AMPH: variants seen among roughly 807,000 people sequenced by gnomAD.
AMPH encodes amphiphysin.
A neutral mutation model predicts 99.1 loss-of-function variants in AMPH; 49 were observed. The observed-to-expected ratio is 0.49, with a 90% confidence interval of 0.39 to 0.63. The LOEUF (loss-of-function observed/expected upper bound fraction) is 0.63, where lower values mean the gene tolerates loss of function less well. AMPH is among the 20% of genes least tolerant of loss of function. The pLI, the probability that AMPH is intolerant of heterozygous loss-of-function variation, is 0.00. For synonymous variants in AMPH, 314 were observed against 317.3 expected, an observed-to-expected ratio of 0.99 and a Z score of 0.11; for missense variants, 759 against 863.4, an observed-to-expected ratio of 0.88 and a Z score of 1.52.
rs374507899 is a variant in AMPH at position 38,534,124 on chromosome 7, ATAC to A, written c.150+804_150+806del. 2.6e-4 allele frequency among the ~76,000 whole-genome samples: 39 copies of A among 152,302 alleles called. 1 individual carries two copies. In the East Asian group the frequency reaches 6.7e-3, roughly 26 times the overall value. The stretch of plus-strand genomic sequence containing the variant: ...CCTGTAAAATTTTAATACCGTAAGT[ATAC>A]TATATGTCTGCTTATCTAAGATATG... On this transcript the variant is annotated intron_variant, in intron 2 of 20. Coordinates refer to ENST00000356264, the MANE Select transcript of AMPH (RefSeq NM_001635.4).
chr7:38,420,430 C>T (rs1785540499), intron 16 of AMPH, among the ~76,000 whole-genome samples: 1 of 152,166 alleles, frequency 6.6e-6, no homozygotes, highest in Admixed American at 6.5e-5. Flanking sequence ...TGATCCCATG[C>T]CACACCTATT....
At chr7:38,602,014 A>C (rs566473667) in intron 1 of AMPH, among the ~76,000 whole-genome samples, 11 of 152,288 alleles carry the variant, frequency 7.2e-5, no homozygotes, top group African/African-American at 2.6e-4. Flanking sequence ...TTCTATGTGG[A>C]TCTAAACGCC....
At chr7:38,564,203 T>C (rs78421283) in intron 1 of AMPH, among the ~76,000 whole-genome samples, 5,797 of 152,284 alleles carry the variant, frequency 0.038, 342 homozygotes, top group African/African-American at 0.13. Flanking sequence ...GTTTAGATGC[T>C]GTGTAGTTTC....
At chr7:38,602,875 C>A (rs930875873) in intron 1 of AMPH, among the ~76,000 whole-genome samples, 1 of 152,008 alleles carries the variant, frequency 6.6e-6, no homozygotes, top group Admixed American at 6.6e-5. Context: ...AACAGACTGC[C>A]CAAATTAAGA....
At chr7:38,438,941 C>T (rs1382374057) in intron 11 of AMPH, among the ~76,000 whole-genome samples, 1 of 152,322 alleles carries the variant, frequency 6.6e-6, no homozygotes, top group East Asian at 1.9e-4. Context: ...TCTGTGTCCC[C>T]ACTCAAATAT....
intron 1 of AMPH, among the ~76,000 whole-genome samples, chr7:38,554,606 T>C (rs925997322): frequency 6.6e-6 from 1 of 152,244 alleles, no homozygotes; most frequent in Admixed American, 6.5e-5. Flanking sequence ...GTTAGTTAAA[T>C]ATATTACTGG....
rs201353173 is a variant in AMPH, at chr7:38,417,781, G to T, written c.1398+44C>A. ...ATATGGTCATGAGATGAGCATGGCTGTGGCAGCGAGGCAGATGGAGGGTGA... is the reference window on the plus strand; with the variant it reads ...ATATGGTCATGAGATGAGCATGGCTTTGGCAGCGAGGCAGATGGAGGGTGA... On this transcript the variant is annotated intron_variant, in intron 17 of 20. Coordinates refer to ENST00000356264, the MANE Select transcript of AMPH (RefSeq NM_001635.4). 1.9e-6 allele frequency: 3 copies of T among 1,607,650 alleles called. No individual in the cohort carries two copies. In the African/African-American group the frequency reaches 4.0e-5, roughly 21 times the overall value.
At chr7:38,587,244 C>T (rs10499605) in intron 1 of AMPH, among the ~76,000 whole-genome samples, 9,720 of 152,202 alleles carry the variant, frequency 0.064, 360 homozygotes, top group East Asian at 0.12. Context: ...CTTCAAAGCA[C>T]CTTTAATATT....
At chr7:38,584,738 C>T (rs1240167185) in intron 1 of AMPH, among the ~76,000 whole-genome samples, 1 of 152,192 alleles carries the variant, frequency 6.6e-6, no homozygotes, top group Non-Finnish European at 1.5e-5. Context: ...TGGAAATTTT[C>T]CCTCTGCACT....
At chr7:38,442,809 G>A (rs1786605377) in intron 11 of AMPH, among the ~76,000 whole-genome samples, 1 of 151,472 alleles carries the variant, frequency 6.6e-6, no homozygotes, top group African/African-American at 2.4e-5. Context: ...CATAAACAGA[G>A]CAATAAAACC....
At chr7:38,390,799 T>G (rs1324380619) in intron 19 of AMPH, among the ~76,000 whole-genome samples, 1 of 152,232 alleles carries the variant, frequency 6.6e-6, no homozygotes, top group Non-Finnish European at 1.5e-5. Context: ...CTTCTTGGAC[T>G]GCTTGTGCTC....
At chr7:38,536,203 C>G (rs1476504838) in intron 1 of AMPH, among the ~76,000 whole-genome samples, 1 of 152,140 alleles carries the variant, frequency 6.6e-6, no homozygotes, top group African/African-American at 2.4e-5. Context: ...CTTTGGGACA[C>G]AGGACATAAG....
intron 11 of AMPH, among the ~76,000 whole-genome samples, chr7:38,456,968 G>T (rs1267293320): frequency 6.6e-6 from 1 of 152,184 alleles, no homozygotes; most frequent in African/African-American, 2.4e-5. Context: ...AGTCATTGAG[G>T]AAATCACAAG....
chr7:38,570,849 AAGAC>A (rs1791918723), intron 1 of AMPH, among the ~76,000 whole-genome samples: 1 of 138,132 alleles, frequency 7.2e-6, no homozygotes, highest in Admixed American at 7.9e-5. Context: ...GTGGAGGTGG[AAGAC>A]AGTGATACTG....
At chr7:38,465,941 C>T (rs1003569666) in intron 8 of AMPH, among the ~76,000 whole-genome samples, 1 of 152,030 alleles carries the variant, frequency 6.6e-6, no homozygotes, top group African/African-American at 2.4e-5. Context: ...TTATAAACTG[C>T]CTGGTAAAAG....
chr7:38,442,130 G>A (rs1052747901), intron 11 of AMPH, among the ~76,000 whole-genome samples: 1 of 152,076 alleles, frequency 6.6e-6, no homozygotes, highest in Middle Eastern at 3.4e-3. Context: ...GAGAGGATCA[G>A]AAAAAATAGC....
chr7:38,478,859 G>C (rs10267691), intron 5 of AMPH, among the ~76,000 whole-genome samples: 20,746 of 151,854 alleles, frequency 0.14, 1,552 homozygotes, highest in African/African-American at 0.17. Context: ...TACTAAACTC[G>C]AAAAAGCTGA....
intron 15 of AMPH, among the ~76,000 whole-genome samples, chr7:38,422,811 C>T (rs1158376): frequency 2.0e-5 from 3 of 151,976 alleles, no homozygotes; most frequent in Non-Finnish European, 4.4e-5. Flanking sequence ...GTATAGACAG[C>T]GTTTCATCAT....
rs186830959 is a variant in AMPH, at chr7:38,530,461, T to C, written c.150+4470A>G. Among the ~76,000 whole-genome samples the C allele has an allele frequency of 4.7e-3, 721 of 152,330 alleles. 4 individuals carry two copies. The highest frequency in any genetic ancestry group is 7.2e-3 in the Non-Finnish European group (493 of 68,018). On this transcript the variant is annotated intron_variant, in intron 2 of 20. Coordinates refer to ENST00000356264, the MANE Select transcript of AMPH (RefSeq NM_001635.4). ...ATGAGGGAATGGAAGCCTATGGAGA[T>C]GCTAGAAGGAGAACCAAGGCTCTCT...
Sources: allele counts gnomAD v4.1 joint callset (sites outside exome capture counted in the v4.1 genomes callset), GRCh38; gene constraint gnomAD v4.1.1; transcripts MANE v1.5; gene names NCBI Gene and HGNC (gene_info 2026-07-23, HGNC 2026-07-21).